HOMER1: variants seen among roughly 807,000 people sequenced by gnomAD.
HOMER1 encodes the protein homer scaffold protein 1.
Under a neutral mutation model 48.9 loss-of-function variants are expected in HOMER1, and 3 were observed. The observed-to-expected ratio is 0.06, with a 90% CI of 0.03 to 0.16. The LOEUF is 0.16. HOMER1 is among the 10% of genes least tolerant of loss of function. HOMER1 has a pLI of 1.00. For missense variants in HOMER1, 247 were observed against 411.4 expected (o/e 0.60, Z 3.46); for synonymous variants, 134 against 146.4 (o/e 0.92, Z 0.61).
At position 79,511,571 on chromosome 5, in the gene HOMER1, TTTAA is replaced by T. The variant is rs1218228466; in HGVS notation, c.5+1195_5+1198del. 3.3e-5 allele frequency among the ~76,000 whole-genome samples: 5 copies of T among 152,204 alleles called. 1 individual carries two copies. In the East Asian group the frequency reaches 9.6e-4, roughly 29 times the overall value. ...CAGCGCTAGAAATAGAATGAGGTAT[TTTAA>T]TTACTCTTAGCGGTACCCCCAAATC... is the stretch of plus-strand genomic sequence containing the variant. On this transcript the variant is annotated intron_variant, in intron 1 of 8. Coordinates refer to ENST00000334082, the MANE Select transcript of HOMER1 (RefSeq NM_004272.5).
intron 5 of HOMER1, 104 bp from the exon 6 acceptor site, chr5:79,402,159 TTTTC>T: frequency 2.0e-6 from 2 of 979,928 alleles, no homozygotes; most frequent in South Asian, 3.7e-5. Context: ...TCTAAGAATG[TTTTC>T]TTTTCTTTTT....
intron 5 of HOMER1, among the ~76,000 whole-genome samples, chr5:79,428,960 A>G (rs1750347036): frequency 6.6e-6 from 1 of 152,222 alleles, no homozygotes. Flanking sequence ...ATTTCTAGGC[A>G]CTAAAATTCA....
chr5:79,460,023 TC>T, intron 1 of HOMER1, among the ~76,000 whole-genome samples: 1 of 152,144 alleles, frequency 6.6e-6, no homozygotes, highest in African/African-American at 2.4e-5. Context: ...TTTCTTTCTT[TC>T]TTTCTTTTCT....
rs141778111 is a variant in HOMER1 at position 79,450,924 on chromosome 5, A to G, written c.294+66T>C. 157 of 1,457,420 alleles carry G rather than the reference A, an allele frequency of 1.1e-4. No homozygotes were observed. In the African/African-American group the frequency reaches 1.8e-3, roughly 17 times the overall value. The allele number at this position is 1,457,420 out of a possible 1,614,324, so 90.3% of individuals were successfully genotyped here. On this transcript the variant is annotated intron_variant, in intron 3 of 8. Transcript: ENST00000334082. ...CTATATTTTATACTCTCCATTTGGT[A>G]TTATATATTTAAGATATACGACTTG...
At chr5:79,437,956 C>T (rs1192501123) in intron 5 of HOMER1, among the ~76,000 whole-genome samples, 1 of 152,182 alleles carries the variant, frequency 6.6e-6, no homozygotes, top group Admixed American at 6.5e-5. Flanking sequence ...TGCACCTGGC[C>T]ATTCCTTAAA....
intron 5 of HOMER1, among the ~76,000 whole-genome samples, chr5:79,437,933 A>C (rs1306192955): frequency 6.6e-6 from 1 of 152,184 alleles, no homozygotes; most frequent in Non-Finnish European, 1.5e-5. Context: ...CTGGGATTAC[A>C]GGCATATGCC....
intron 5 of HOMER1, among the ~76,000 whole-genome samples, chr5:79,421,990 G>A (rs571256780): frequency 1.3e-5 from 2 of 152,134 alleles, no homozygotes; most frequent in Non-Finnish European, 2.9e-5. Flanking sequence ...ACTTTGGGAG[G>A]CCAAGGAGGG....
At chr5:79,489,312 T>C (rs1752206086) in intron 1 of HOMER1, among the ~76,000 whole-genome samples, 1 of 152,178 alleles carries the variant, frequency 6.6e-6, no homozygotes, top group South Asian at 2.1e-4. Context: ...CATTTCTATT[T>C]CTAAAGGAAA....
chr5:79,438,934 C>A, intron 5 of HOMER1, 76 bp downstream of exon 5: 9 of 1,099,760 alleles, frequency 8.2e-6, no homozygotes, highest in Admixed American at 5.9e-5. Flanking sequence ...AAGCTTGTAA[C>A]TACAAGGGTT....
rs1491130611 is a variant in HOMER1 at position 79,500,953 on chromosome 5, G to GTGTGTGTGTGAGAC, written c.5+11816_5+11817insGTCTCACACACACA. Reference sequence around the variant, plus strand: ...TGTGTGTGTGTGTGTGTGTGTGTGTGAGACAGACAGACACACACACACACA... The same window carrying GTGTGTGTGTGAGAC: ...TGTGTGTGTGTGTGTGTGTGTGTGTGTGTGTGTGTGAGACAGACAGACAGACACACACACACACA... On this transcript the variant is annotated intron_variant, in intron 1 of 8. Coordinates refer to ENST00000334082, the MANE Select transcript of HOMER1 (RefSeq NM_004272.5). 4.4e-5 allele frequency among the ~76,000 whole-genome samples: 5 copies of GTGTGTGTGTGAGAC among 113,822 alleles called. No individual in the cohort carries two copies. The East Asian group carries it at 1.3e-3, about 30-fold the overall frequency. 74.7% of individuals were successfully genotyped at this position (113,822 alleles called of 152,430 possible).
chr5:79,445,453 A>T (rs1343593632), intron 4 of HOMER1, among the ~76,000 whole-genome samples: 1 of 152,244 alleles, frequency 6.6e-6, no homozygotes. Context: ...CCAAAATGTA[A>T]CTATTTAATC....
chr5:79,387,075 ATC>A (rs111457551), intron 8 of HOMER1, among the ~76,000 whole-genome samples: 5,171 of 113,008 alleles, frequency 0.046, 318 homozygotes, highest in African/African-American at 0.14. Context: ...TTCTTTCTCT[ATC>A]TCTCTCTCTC....
In HOMER1 at chr5:79,374,730, A is replaced by G. The variant is rs1748716027; in HGVS notation, c.*1279T>C. On this transcript the variant is annotated 3_prime_UTR_variant, in exon 9 of 9. Coordinates refer to ENST00000334082, the MANE Select transcript of HOMER1 (RefSeq NM_004272.5). ...GCTTACTTTTAAAATAGCTTCGTAAAAGAAATATATCATATAAAGAAATGC... is the reference window on the plus strand; with the variant it reads ...GCTTACTTTTAAAATAGCTTCGTAAGAGAAATATATCATATAAAGAAATGC... The G allele has an allele frequency of 6.6e-6, 1 of 152,092 alleles. No homozygotes were observed. 9.4% of individuals were successfully genotyped at this position (152,092 alleles called of 1,614,324 possible). A position where few individuals can be genotyped will look rare whatever the true frequency, so the allele number is the denominator to read the frequency against.
chr5:79,401,658 C>T (rs1749539343), intron 6 of HOMER1, among the ~76,000 whole-genome samples: 1 of 152,084 alleles, frequency 6.6e-6, no homozygotes, highest in African/African-American at 2.4e-5. Context: ...ACTGCTAGTC[C>T]CCATGGATAA....
At chr5:79,400,980 G>T (rs1253885879) in intron 6 of HOMER1, among the ~76,000 whole-genome samples, 1 of 132,708 alleles carries the variant, frequency 7.5e-6, no homozygotes, top group Non-Finnish European at 1.6e-5. Context: ...TTGCCATGTT[G>T]CCTGGGCTAA....
chr5:79,490,839 C>T (rs1752251715), intron 1 of HOMER1, among the ~76,000 whole-genome samples: 1 of 150,276 alleles, frequency 6.7e-6, no homozygotes, highest in Admixed American at 6.6e-5. Flanking sequence ...CCTGTAGAAC[C>T]AGCTACTTGG....
intron 1 of HOMER1, among the ~76,000 whole-genome samples, chr5:79,467,305 G>A (rs1025953736): frequency 1.6e-4 from 24 of 148,320 alleles, no homozygotes; most frequent in African/African-American, 5.2e-4. Context: ...GCAGGAGAAT[G>A]GCTTGAACCT....
intron 1 of HOMER1, among the ~76,000 whole-genome samples, chr5:79,501,519 T>C (rs188263561): frequency 6.6e-6 from 1 of 152,206 alleles, no homozygotes; most frequent in African/African-American, 2.4e-5. Context: ...ATGCGAGACT[T>C]ACTTACACTA....
In HOMER1 at chr5:79,513,614, C is replaced by G. The variant is rs930769024; in HGVS notation, c.-840G>C. The G allele has an allele frequency of 6.6e-6, 1 of 152,410 alleles. No homozygotes were observed. The highest frequency in any genetic ancestry group is 2.4e-5 in the African/African-American group (1 of 41,438). The allele number at this position is 152,410 out of a possible 1,614,324, so 9.4% of individuals were successfully genotyped here. ...CCCCGCCGCCGAGCACAATGGAGCCCGGCTGGTGCCCGGCCCTTCATTCGC... is the reference window on the plus strand; with the variant it reads ...CCCCGCCGCCGAGCACAATGGAGCCGGGCTGGTGCCCGGCCCTTCATTCGC... On this transcript the variant is annotated 5_prime_UTR_variant, in exon 1 of 9. Transcript: ENST00000334082.
Sources: allele counts gnomAD v4.1 joint callset (sites outside exome capture counted in the v4.1 genomes callset), GRCh38; gene constraint gnomAD v4.1.1; transcripts MANE v1.5; gene names NCBI Gene and HGNC (gene_info 2026-07-23, HGNC 2026-07-21).